Variants in DHCR24 observed in about 807,000 individuals in gnomAD.
DHCR24 encodes the protein 24-dehydrocholesterol reductase.
A neutral mutation model predicts 61.2 loss-of-function variants in DHCR24; 28 were observed. The observed-to-expected ratio is 0.46, with a 90% CI of 0.34 to 0.63. DHCR24 has a LOEUF of 0.63. DHCR24 is among the 20% of genes least tolerant of loss of function. The probability of loss-of-function intolerance (pLI) is 0.01; values close to 1 mark genes in which losing one functional copy is unlikely to be tolerated. For synonymous variants in DHCR24, 261 were observed against 275.9 expected, an observed-to-expected ratio of 0.95 and a Z score of 0.54; for missense variants, 538 against 679.1, an observed-to-expected ratio of 0.79 and a Z score of 2.31.
Position 54,853,530 on chromosome 1 carries a change from T to C in DHCR24, c.1301A>G (p.Tyr434Cys), listed in dbSNP as rs141524907. Residue 434 changes from tyrosine (Y) to cysteine (C), a missense_variant, in exon 8 of 9, where the codon TAC (tyrosine) becomes TGC (cysteine). Coordinates refer to ENST00000371269, the MANE Select transcript of DHCR24 (RefSeq NM_014762.4). Reference sequence around the variant, plus strand: ...CTCCCCATATGCTCCAATGTCGATGTAGAGCTCTGCCTCATTTCCTTTGGG... The same window carrying C: ...CTCCCCATATGCTCCAATGTCGATGCAGAGCTCTGCCTCATTTCCTTTGGG... Reference protein sequence around the residue: ...VHPKGNEAELYIDIGAYGEPR... With the variant: ...VHPKGNEAELCIDIGAYGEPR... 122 of 1,614,102 alleles carry C rather than the reference T, an allele frequency of 7.6e-5. No homozygotes were observed. Among genetic ancestry groups the C allele is most frequent in the Non-Finnish European group, 9.7e-5 (115 of 1,180,044 alleles).
chr1:54,886,506 T>C (rs1417805138), intron 1 of DHCR24: 2 of 979,478 alleles, frequency 2.0e-6, no homozygotes, highest in Non-Finnish European at 2.8e-6. Context: ...CACCAGTCCC[T>C]CCACCCACAC....
chr1:54,863,607 T>C (rs1164860385), intron 6 of DHCR24, among the ~76,000 whole-genome samples: 1 of 152,162 alleles, frequency 6.6e-6, no homozygotes, highest in Non-Finnish European at 1.5e-5. Context: ...GCTGCAACTA[T>C]AAAGGTCTTT....
At chr1:54,855,875 T>G (rs1405365296) in intron 6 of DHCR24, among the ~76,000 whole-genome samples, 1 of 152,166 alleles carries the variant, frequency 6.6e-6, no homozygotes, top group Non-Finnish European at 1.5e-5. Flanking sequence ...TAAGCCTCCC[T>G]GCGCATTCCT....
intron 2 of DHCR24, among the ~76,000 whole-genome samples, chr1:54,882,131 AAG>A (rs1244744514): frequency 0.031 from 131 of 4,294 alleles, no homozygotes; most frequent in African/African-American, 0.08. Context: ...AAAAGTTTAA[AAG>A]AAAAAAAAAA....
chr1:54,869,918 G>T (rs1378444735), intron 5 of DHCR24, among the ~76,000 whole-genome samples: 3 of 152,042 alleles, frequency 2.0e-5, no homozygotes, highest in Non-Finnish European at 4.4e-5. Flanking sequence ...AGGCAGGCAT[G>T]GTGGTGCATG....
intron 6 of DHCR24, among the ~76,000 whole-genome samples, chr1:54,854,988 C>T (rs188284166): frequency 5.1e-4 from 77 of 152,318 alleles, no homozygotes; most frequent in Admixed American, 4.0e-3. Flanking sequence ...CCCTGGGTCA[C>T]AATCCTCCTC....
chr1:54,857,755 A>G (rs1383691001), intron 6 of DHCR24, among the ~76,000 whole-genome samples: 3 of 152,214 alleles, frequency 2.0e-5, no homozygotes, highest in African/African-American at 7.2e-5. Context: ...AAAGCTTTAT[A>G]TTTAGTACCT....
intron 2 of DHCR24, among the ~76,000 whole-genome samples, chr1:54,880,199 G>C (rs1647057010): frequency 6.6e-6 from 1 of 152,158 alleles, no homozygotes; most frequent in Non-Finnish European, 1.5e-5. Context: ...GAAGTATTGT[G>C]AACAACTTTA....
chr1:54,881,096 ACCAAGATCGTGCCACTGCACTCTAGC>A (rs1297581243), intron 2 of DHCR24, among the ~76,000 whole-genome samples: 1 of 152,132 alleles, frequency 6.6e-6, no homozygotes, highest in Admixed American at 6.5e-5. Context: ...GCTGCAGTGA[ACCAAGATCGTGCCACTGCACTCTAGC>A]CAGGGCGACA....
intron 6 of DHCR24, among the ~76,000 whole-genome samples, chr1:54,864,777 G>A (rs1366042581): frequency 6.6e-6 from 1 of 152,018 alleles, no homozygotes; most frequent in Non-Finnish European, 1.5e-5. Flanking sequence ...CCTTCCCTAT[G>A]TTCAGGTCCC....
chr1:54,872,999 C>T (rs1011210848), intron 4 of DHCR24, among the ~76,000 whole-genome samples: 1 of 152,200 alleles, frequency 6.6e-6, no homozygotes, highest in African/African-American at 2.4e-5. Context: ...CCTGCCAGGA[C>T]AGATCCAAGG....
At chr1:54,853,946 G>T in intron 7 of DHCR24, 91 bp downstream of exon 7, 1 of 1,320,974 alleles carries the variant, frequency 7.6e-7, no homozygotes, top group East Asian at 2.5e-5. Context: ...AGAGGGCAGT[G>T]TGCCCAAGGT....
intron 5 of DHCR24, 150 bp from the exon 6 acceptor site, chr1:54,865,596 G>A (rs920447355): frequency 8.4e-6 from 9 of 1,070,326 alleles, no homozygotes; most frequent in Non-Finnish European, 1.3e-5. Context: ...TTGAAAGCTG[G>A]TGAGGTTAGG....
rs746302618 is a variant in DHCR24 at position 54,886,883 on chromosome 1, G to A, written c.231+6C>T. On this transcript the variant is annotated splice_donor_region_variant and intron_variant, in intron 1 of 8. Transcript: ENST00000371269. ...CTGAGTCCCGGCCGCACCCGGCGCC[G>A]CTCACCTGCTTCTGGATGTCCCGCA... 25 of 1,611,260 alleles carry A rather than the reference G, an allele frequency of 1.6e-5. No homozygotes were observed. The highest frequency in any genetic ancestry group is 9.9e-5 in the South Asian group (9 of 90,760).
At chr1:54,871,884 A>T (rs1647002089) in intron 4 of DHCR24, among the ~76,000 whole-genome samples, 1 of 152,128 alleles carries the variant, frequency 6.6e-6, no homozygotes, top group Admixed American at 6.5e-5. Context: ...CCTGACCCAG[A>T]GGCTATTCAG....
rs72903529 is a variant in DHCR24, at chr1:54,869,542, A to G, written c.876+1808T>C. On this transcript the variant is annotated intron_variant, in intron 5 of 8. Coordinates refer to ENST00000371269, the MANE Select transcript of DHCR24 (RefSeq NM_014762.4). ...AAATTAGGCCAATTATTTACATGCA[A>G]AAATGGGATATTACAGAATGAAATG... is the stretch of plus-strand genomic sequence containing the variant. 9.5e-3 allele frequency among the ~76,000 whole-genome samples: 1,452 copies of G among 152,274 alleles called. 24 individuals carry two copies. Among genetic ancestry groups the G allele is most frequent in the African/African-American group, 0.033 (1,385 of 41,552 alleles).
chr1:54,875,566 G>A (rs1487261952), intron 3 of DHCR24, among the ~76,000 whole-genome samples: 1 of 152,096 alleles, frequency 6.6e-6, no homozygotes, highest in Non-Finnish European at 1.5e-5. Context: ...CTGTCCCATG[G>A]GAATAGTTAA....
chr1:54,860,597 C>T (rs1296308808), intron 6 of DHCR24, among the ~76,000 whole-genome samples: 1 of 152,200 alleles, frequency 6.6e-6, no homozygotes, highest in Non-Finnish European at 1.5e-5. Context: ...AACCATGGCT[C>T]CCCTCACTAG....
intron 5 of DHCR24, among the ~76,000 whole-genome samples, chr1:54,867,650 C>A (rs1294394493): frequency 6.6e-6 from 1 of 152,142 alleles, no homozygotes; most frequent in Non-Finnish European, 1.5e-5. Context: ...GGTGGTGACT[C>A]CCCTTGGTCC....
Sources: gnomAD v4.1 joint callset for allele counts (sites outside exome capture counted in the v4.1 genomes callset) on GRCh38, gnomAD v4.1.1 for gene constraint, MANE v1.5 for transcripts, NCBI Gene and HGNC (gene_info 2026-07-23, HGNC 2026-07-21) for gene names.